PLCB1: variants seen among roughly 807,000 people sequenced by gnomAD.
The protein encoded by PLCB1 is 1-phosphatidylinositol 4,5-bisphosphate phosphodiesterase beta-1.
A neutral mutation model predicts 161.8 loss-of-function variants in PLCB1; 46 were observed. The observed-to-expected ratio is 0.28, with a 90% CI of 0.22 to 0.36. The LOEUF (loss-of-function observed/expected upper bound fraction) is 0.36, where lower values mean the gene tolerates loss of function less well. Ranked by LOEUF, PLCB1 falls within the 10% of genes least tolerant of loss-of-function variation. PLCB1 has a pLI of 1.00. For missense variants in PLCB1, 1,016 were observed against 1,472.5 expected, an observed-to-expected ratio of 0.69 and a Z score of 5.07; for synonymous variants, 517 against 503.7, an observed-to-expected ratio of 1.03 and a Z score of -0.35.
intron 2 of PLCB1, among the ~76,000 whole-genome samples, chr20:8,326,814 C>A (rs528676576): frequency 6.6e-6 from 1 of 152,298 alleles, no homozygotes; most frequent in East Asian, 1.9e-4. Flanking sequence ...GAAACAGATG[C>A]TGATACTTGC....
intron 26 of PLCB1, among the ~76,000 whole-genome samples, chr20:8,768,236 T>C (rs1982464970): frequency 6.6e-6 from 1 of 152,046 alleles, no homozygotes; most frequent in African/African-American, 2.4e-5. Flanking sequence ...CTCTGAAAAG[T>C]CTAGGGGAAG....
At chr20:8,782,336 T>C (rs1983282413) in intron 27 of PLCB1, among the ~76,000 whole-genome samples, 1 of 152,160 alleles carries the variant, frequency 6.6e-6, no homozygotes. Context: ...TAGGTAAATA[T>C]TCTTTGAATG....
At chr20:8,844,383 A>G (rs1986614197) in intron 31 of PLCB1, among the ~76,000 whole-genome samples, 1 of 152,176 alleles carries the variant, frequency 6.6e-6, no homozygotes, top group African/African-American at 2.4e-5. Context: ...CAAGCTGAAA[A>G]GTCATCGTAT....
chr20:8,503,822 CAT>C (rs1568702280), intron 3 of PLCB1, among the ~76,000 whole-genome samples: 1 of 151,902 alleles, frequency 6.6e-6, no homozygotes, highest in Non-Finnish European at 1.5e-5. Context: ...TATTAAGTAA[CAT>C]AAATAAAAAT....
At chr20:8,716,550 T>G (rs1275449489) in intron 13 of PLCB1, among the ~76,000 whole-genome samples, 1 of 152,150 alleles carries the variant, frequency 6.6e-6, no homozygotes, top group African/African-American at 2.4e-5. Context: ...CTTCCCACAC[T>G]CTTCTCTCTC....
At chr20:8,187,047 C>T (rs563913267) in intron 2 of PLCB1, among the ~76,000 whole-genome samples, 1 of 152,140 alleles carries the variant, frequency 6.6e-6, no homozygotes, top group African/African-American at 2.4e-5. Flanking sequence ...GGGATTCTTA[C>T]CAGTACATCT....
chr20:8,709,726 T>A (rs1398124564), intron 12 of PLCB1, among the ~76,000 whole-genome samples: 3 of 152,234 alleles, frequency 2.0e-5, no homozygotes, highest in Admixed American at 1.3e-4. Flanking sequence ...TTTATAATTA[T>A]CTGTATTTTT....
At chr20:8,554,905 G>A (rs6108152) in intron 3 of PLCB1, among the ~76,000 whole-genome samples, 45,005 of 151,858 alleles carry the variant, frequency 0.3, 8,652 homozygotes, top group African/African-American at 0.55. Flanking sequence ...TTACTGGGAC[G>A]TGTACTTTTG....
intron 3 of PLCB1, among the ~76,000 whole-genome samples, chr20:8,546,968 G>C (rs747956410): frequency 2.3e-4 from 35 of 152,148 alleles, no homozygotes; most frequent in Non-Finnish European, 4.1e-4. Context: ...TGTATCTGAA[G>C]ATTTATAATT....
At chr20:8,731,092 T>C (rs181698569) in intron 18 of PLCB1, among the ~76,000 whole-genome samples, 1 of 151,648 alleles carries the variant, frequency 6.6e-6, no homozygotes, top group East Asian at 1.9e-4. Context: ...TTCTTTTTTA[T>C]TCAGTAGGAA....
chr20:8,385,081 G>A (rs1026559184), intron 3 of PLCB1, among the ~76,000 whole-genome samples: 2 of 152,178 alleles, frequency 1.3e-5, no homozygotes, highest in African/African-American at 4.8e-5. Context: ...CTTCGCTGGG[G>A]AGAAACCCAC....
intron 3 of PLCB1, among the ~76,000 whole-genome samples, chr20:8,609,532 C>CT (rs1987846419): frequency 6.6e-6 from 1 of 152,174 alleles, no homozygotes; most frequent in African/African-American, 2.4e-5. Context: ...TTTTAACCAT[C>CT]TTTTTTCTCT....
chr20:8,474,929 T>A (rs1029158519), intron 3 of PLCB1, among the ~76,000 whole-genome samples: 1 of 152,024 alleles, frequency 6.6e-6, no homozygotes, highest in Non-Finnish European at 1.5e-5. Flanking sequence ...CAGGTATGAT[T>A]AAACATTGAG....
chr20:8,257,408 A>T (rs1253673409), intron 2 of PLCB1, among the ~76,000 whole-genome samples: 1 of 152,202 alleles, frequency 6.6e-6, no homozygotes, highest in Non-Finnish European at 1.5e-5. Flanking sequence ...AAAAAAATCA[A>T]AATATAACAT....
chr20:8,180,267 A>G lies in PLCB1; in HGVS notation c.177+29896A>G, dbSNP rs546577816. Among the ~76,000 whole-genome samples, 156 of 152,290 alleles carry G rather than the reference A, an allele frequency of 1.0e-3. 1 individual carries two copies. Among genetic ancestry groups the G allele is most frequent in the African/African-American group, 3.5e-3 (145 of 41,564 alleles). On this transcript the variant is annotated intron_variant, in intron 2 of 31. Coordinates refer to ENST00000338037, the MANE Select transcript of PLCB1 (RefSeq NM_015192.4). The stretch of plus-strand genomic sequence containing the variant: ...TGATAAATCACATTTACTGATTTGC[A>G]TATGTTAACCCAATTTTGCATCCCA...
At chr20:8,583,507 G>C (rs1986896900) in intron 3 of PLCB1, among the ~76,000 whole-genome samples, 1 of 152,134 alleles carries the variant, frequency 6.6e-6, no homozygotes, top group Non-Finnish European at 1.5e-5. Flanking sequence ...CAGCCCAGGA[G>C]AATTTCTATG....
At chr20:8,637,489 T>TAGATTC (rs1482017846) in intron 4 of PLCB1, among the ~76,000 whole-genome samples, 1 of 152,002 alleles carries the variant, frequency 6.6e-6, no homozygotes, top group Non-Finnish European at 1.5e-5. Context: ...AGGTAATGAG[T>TAGATTC]AGGAAACTGG....
At chr20:8,253,190 G>A (rs1236522086) in intron 2 of PLCB1, among the ~76,000 whole-genome samples, 1 of 143,886 alleles carries the variant, frequency 6.9e-6, no homozygotes, top group East Asian at 2.2e-4. Context: ...GAATTCAGAG[G>A]TATTGACTTC....
chr20:8,644,769 C>T (rs1282384973), intron 4 of PLCB1, among the ~76,000 whole-genome samples: 9 of 152,018 alleles, frequency 5.9e-5, no homozygotes, highest in African/African-American at 1.9e-4. Context: ...TCTGCCCGGC[C>T]GCCCCTACTG....
Sources: gnomAD v4.1 joint callset for allele counts (sites outside exome capture counted in the v4.1 genomes callset) on GRCh38, gnomAD v4.1.1 for gene constraint, MANE v1.5 for transcripts, NCBI Gene and HGNC (gene_info 2026-07-23, HGNC 2026-07-21) for gene names.